Variants in MDGA2 observed in about 807,000 individuals in gnomAD.
MDGA2 encodes MAM domain containing glycosylphosphatidylinositol anchor 2.
Under a neutral mutation model 117.8 loss-of-function variants are expected in MDGA2, and 40 were observed. The ratio of observed to expected loss-of-function variants is 0.34; its 90% confidence interval spans 0.26 to 0.44. MDGA2 has a LOEUF of 0.44. Among genes scored for constraint, MDGA2 ranks in the 20% least tolerant of loss-of-function variants. The pLI, the probability that MDGA2 is intolerant of heterozygous loss-of-function variation, is 1.00. For missense variants in MDGA2, 1,123 were observed against 1,250.6 expected (o/e 0.90, Z 1.54); for synonymous variants, 452 against 439.0 (o/e 1.03, Z -0.37).
chr14:47,069,567 A>G (rs964825392), intron 6 of MDGA2, among the ~76,000 whole-genome samples: 1 of 152,210 alleles, frequency 6.6e-6, no homozygotes, highest in East Asian at 1.9e-4. Flanking sequence ...TCCCAGTTCT[A>G]TCATTCAAAC....
intron 1 of MDGA2, among the ~76,000 whole-genome samples, chr14:47,495,684 G>A (rs10130572): frequency 0.1 from 15,798 of 152,122 alleles, 926 homozygotes; most frequent in Middle Eastern, 0.15. Flanking sequence ...GTGATTAAAC[G>A]CTATTGTTAT....
At chr14:47,240,479 A>T (rs1887004876) in intron 2 of MDGA2, among the ~76,000 whole-genome samples, 1 of 151,960 alleles carries the variant, frequency 6.6e-6, no homozygotes, top group African/African-American at 2.4e-5. Context: ...TTTATTAAAA[A>T]GTTCAAGAAG....
At chr14:47,200,670 G>T in intron 3 of MDGA2, 2 of 1,117,704 alleles carry the variant, frequency 1.8e-6, no homozygotes, top group East Asian at 2.4e-5. Flanking sequence ...CTCAAGAGCT[G>T]TTTCTTCTTC....
intron 6 of MDGA2, among the ~76,000 whole-genome samples, chr14:47,086,394 C>T (rs1038661225): frequency 6.6e-6 from 1 of 152,012 alleles, no homozygotes; most frequent in Admixed American, 6.6e-5. Flanking sequence ...TGAGCACTGA[C>T]ATTGGAGGAA....
intron 1 of MDGA2, among the ~76,000 whole-genome samples, chr14:47,628,062 G>A (rs958098740): frequency 2.0e-5 from 3 of 152,142 alleles, no homozygotes; most frequent in Non-Finnish European, 4.4e-5. Context: ...TGGGGTTTTG[G>A]TGGGGTAGGT....
chr14:47,050,511 T>C (rs1889420456), intron 7 of MDGA2, among the ~76,000 whole-genome samples: 1 of 152,048 alleles, frequency 6.6e-6, no homozygotes, highest in African/African-American at 2.4e-5. Context: ...TTTTCTGTGT[T>C]TCTGTTATAC....
intron 3 of MDGA2, among the ~76,000 whole-genome samples, chr14:47,177,011 CAAAAG>C (rs1884487197): frequency 6.6e-6 from 1 of 151,772 alleles, no homozygotes; most frequent in Non-Finnish European, 1.5e-5. Context: ...AGACACTTCT[CAAAAG>C]AAGACATTTA....
chr14:46,907,853 A>T (rs776947815), intron 10 of MDGA2, among the ~76,000 whole-genome samples: 4 of 152,168 alleles, frequency 2.6e-5, no homozygotes, highest in Non-Finnish European at 5.9e-5. Flanking sequence ...CTTCCTAAAT[A>T]AAAAGGAAAG....
At chr14:47,168,237 TTCTC>T (rs1286348529) in intron 3 of MDGA2, among the ~76,000 whole-genome samples, 1 of 147,236 alleles carries the variant, frequency 6.8e-6, no homozygotes, top group Admixed American at 6.9e-5. Flanking sequence ...CACTTGCTGC[TTCTC>T]TCTCTCTCTC....
intron 15 of MDGA2, among the ~76,000 whole-genome samples, chr14:46,852,132 T>G (rs1057116524): frequency 8.6e-5 from 13 of 151,816 alleles, no homozygotes; most frequent in Non-Finnish European, 1.5e-5. Context: ...TATTTTCCAC[T>G]GGTAATTTAA....
chr14:47,639,127 A>G (rs1340891349), intron 1 of MDGA2, among the ~76,000 whole-genome samples: 1 of 151,998 alleles, frequency 6.6e-6, no homozygotes, highest in African/African-American at 2.4e-5. Context: ...TTATCTTCTC[A>G]TCTTATTTTA....
chr14:47,133,097 T>G (rs940253384), intron 4 of MDGA2, among the ~76,000 whole-genome samples: 3 of 150,814 alleles, frequency 2.0e-5, no homozygotes, highest in Non-Finnish European at 3.0e-5. Flanking sequence ...TTTAGCATTT[T>G]CCTCAGTGGT....
At chr14:47,539,658 C>G (rs749837743) in intron 1 of MDGA2, among the ~76,000 whole-genome samples, 1 of 152,158 alleles carries the variant, frequency 6.6e-6, no homozygotes, top group Non-Finnish European at 1.5e-5. Flanking sequence ...CACAGTTTAC[C>G]CTTACTTGTA....
rs958385034 is a variant in MDGA2 at position 47,380,289 on chromosome 14, C to G, written c.281-78739G>C. Among the ~76,000 whole-genome samples the G allele has an allele frequency of 3.3e-5, 5 of 151,984 alleles. No individual in the cohort carries two copies. In the East Asian group the frequency reaches 9.7e-4, roughly 29 times the overall value. ...AGCAGGAAAGATCTAAAATTGACAC[C>G]CTAACATCACAATTAAAAGAACTAC... On this transcript the variant is annotated intron_variant, in intron 1 of 16. Transcript: ENST00000399232.
intron 1 of MDGA2, among the ~76,000 whole-genome samples, chr14:47,513,841 T>C (rs763413107): frequency 2.0e-5 from 3 of 152,174 alleles, no homozygotes; most frequent in African/African-American, 4.8e-5. Flanking sequence ...GTAACTCACA[T>C]ATGAATCAAT....
chr14:46,916,388 A>G (rs1445329075), intron 10 of MDGA2, among the ~76,000 whole-genome samples: 1 of 152,092 alleles, frequency 6.6e-6, no homozygotes, highest in Non-Finnish European at 1.5e-5. Context: ...CCCATCTCCA[A>G]AAAGGTAATG....
chr14:47,612,201 T>TAGACAGAC (rs1374475619), intron 1 of MDGA2, among the ~76,000 whole-genome samples: 1 of 134,978 alleles, frequency 7.4e-6, no homozygotes, highest in Admixed American at 7.7e-5. Flanking sequence ...GATAGATAGA[T>TAGACAGAC]AGATAGACAG....
intron 1 of MDGA2, among the ~76,000 whole-genome samples, chr14:47,562,616 G>C (rs184510627): frequency 6.6e-6 from 1 of 152,050 alleles, no homozygotes; most frequent in African/African-American, 2.4e-5. Context: ...ACGTTTAGTT[G>C]AATCTTTTTT....
chr14:47,499,229 G>A (rs1014234798), intron 1 of MDGA2, among the ~76,000 whole-genome samples: 3 of 151,988 alleles, frequency 2.0e-5, no homozygotes, highest in Middle Eastern at 6.4e-3. Flanking sequence ...CCCACTTACT[G>A]GTCTTTGTTA....
Sources: gnomAD v4.1 joint callset for allele counts (sites outside exome capture counted in the v4.1 genomes callset) on GRCh38, gnomAD v4.1.1 for gene constraint, MANE v1.5 for transcripts, NCBI Gene and HGNC (gene_info 2026-07-23, HGNC 2026-07-21) for gene names.